The following SUGCT variants were observed in gnomAD, a reference collection of about 807,000 sequenced individuals.
SUGCT encodes the protein succinyl-CoA:glutarate-CoA transferase, also known as succinyl-CoA:glutarate CoA-transferase.
A neutral mutation model predicts 55.0 loss-of-function variants in SUGCT; 41 were observed. That is an observed-to-expected ratio of 0.74 (90% CI 0.58 to 0.97). The LOEUF is 0.97. Among genes scored for constraint, SUGCT ranks in the 50% least tolerant of loss-of-function variants. The pLI, the probability that SUGCT is intolerant of heterozygous loss-of-function variation, is 0.00. For missense variants in SUGCT, 568 were observed against 547.8 expected (o/e 1.04, Z -0.37); for synonymous variants, 187 against 200.4 (o/e 0.93, Z 0.56).
intron 8 of SUGCT, among the ~76,000 whole-genome samples, chr7:40,305,868 T>C (rs1306396056): frequency 2.0e-5 from 3 of 152,084 alleles, no homozygotes. Context: ...TCTTACTATA[T>C]TGCCCAGGCT....
chr7:40,245,857 A>G (rs1285295620), intron 7 of SUGCT, among the ~76,000 whole-genome samples: 1 of 151,016 alleles, frequency 6.6e-6, no homozygotes, highest in Non-Finnish European at 1.5e-5. Context: ...TCTTTGCATT[A>G]CAAACATTAC....
At chr7:40,203,029 C>T (rs1786702292) in intron 6 of SUGCT, among the ~76,000 whole-genome samples, 2 of 152,142 alleles carry the variant, frequency 1.3e-5, no homozygotes, top group Admixed American at 1.3e-4. Context: ...ATTCCAAATT[C>T]CCAGAATTCC....
chr7:40,882,600 C>G, the SUGCT span, among the ~76,000 whole-genome samples: 2 of 152,170 alleles, frequency 1.3e-5, no homozygotes, highest in Non-Finnish European at 2.9e-5. Flanking sequence ...AAGGCTCACA[C>G]TAATTGCATG....
intron 12 of SUGCT, among the ~76,000 whole-genome samples, chr7:40,710,061 G>A (rs1472799431): frequency 6.6e-6 from 1 of 152,092 alleles, no homozygotes; most frequent in African/African-American, 2.4e-5. Flanking sequence ...TTTTCTTGAG[G>A]AAAGGACAGG....
At chr7:40,747,103 A>G (rs1027238966) in intron 12 of SUGCT, among the ~76,000 whole-genome samples, 1 of 152,216 alleles carries the variant, frequency 6.6e-6, no homozygotes, top group African/African-American at 2.4e-5. Flanking sequence ...ATTAAATTAT[A>G]GCACAATTCT....
chr7:40,322,292 C>CT (rs1795798070), intron 9 of SUGCT, among the ~76,000 whole-genome samples: 6 of 152,156 alleles, frequency 3.9e-5, no homozygotes. Flanking sequence ...CTCTCTTCTC[C>CT]TTTTCAAGAG....
At chr7:40,412,227 T>C (rs1786738971) in intron 9 of SUGCT, among the ~76,000 whole-genome samples, 1 of 152,230 alleles carries the variant, frequency 6.6e-6, no homozygotes, top group South Asian at 2.1e-4. Context: ...GTCCAAGTCC[T>C]CACAGTGGTC....
the SUGCT span, among the ~76,000 whole-genome samples, chr7:41,009,525 A>G: frequency 6.7e-6 from 1 of 150,158 alleles, no homozygotes; most frequent in Non-Finnish European, 1.5e-5. Flanking sequence ...CCTTCCATCC[A>G]CCATCCATCC....
At chr7:40,896,329 A>G in the SUGCT span, among the ~76,000 whole-genome samples, 1 of 152,238 alleles carries the variant, frequency 6.6e-6, no homozygotes, top group East Asian at 1.9e-4. Context: ...CATTGATGAA[A>G]GAAATTGATG....
chr7:40,973,558 A>T, the SUGCT span, among the ~76,000 whole-genome samples: 9 of 152,182 alleles, frequency 5.9e-5, no homozygotes, highest in Admixed American at 4.6e-4. Context: ...CTGAACTATC[A>T]GAGAGCTAAT....
chr7:40,905,601 A>G, the SUGCT span, among the ~76,000 whole-genome samples: 385 of 152,220 alleles, frequency 2.5e-3, 1 homozygote, highest in African/African-American at 8.8e-3. Flanking sequence ...TCTCTCATTC[A>G]CTACTGTGTA....
At chr7:40,366,549 A>G (rs1783982178) in intron 9 of SUGCT, among the ~76,000 whole-genome samples, 1 of 152,204 alleles carries the variant, frequency 6.6e-6, no homozygotes, top group African/African-American at 2.4e-5. Context: ...ATCTACAATA[A>G]AATCAAACAA....
At chr7:40,341,455 G>A (rs564105434) in intron 9 of SUGCT, among the ~76,000 whole-genome samples, 2 of 152,286 alleles carry the variant, frequency 1.3e-5, no homozygotes, top group Non-Finnish European at 1.5e-5. Flanking sequence ...GCTGTTGAGG[G>A]AGATGTGTAA....
In SUGCT at chr7:40,612,184, A is replaced by G. The variant is rs150175707; in HGVS notation, c.1089+115798A>G. On this transcript the variant is annotated intron_variant, in intron 12 of 13. Coordinates refer to ENST00000335693, the MANE Select transcript of SUGCT (RefSeq NM_001193313.2). ...TATATCTGCGAGAACCTTTAGTCCT[A>G]CTATTATTTAGGTAATATTAGATAA... is the stretch of plus-strand genomic sequence containing the variant. Among the ~76,000 whole-genome samples the G allele has an allele frequency of 5.1e-4, 78 of 152,252 alleles. No homozygotes were observed. The East Asian group carries it at 5.8e-3, about 11-fold the overall frequency.
chr7:40,712,772 C>G (rs1205758355), intron 12 of SUGCT, among the ~76,000 whole-genome samples: 1 of 152,284 alleles, frequency 6.6e-6, no homozygotes, highest in East Asian at 1.9e-4. Context: ...ACATGCAGGC[C>G]TCACATCTCC....
rs1283934818 is a variant in SUGCT at position 40,330,687 on chromosome 7, GGGCAT to G, written c.816+13833_816+13837del. ...TGTGTATTTCCTCTTCTGGATGGGG[GGGCAT>G]TTATTTACTTTATATCACTAAATGC... On this transcript the variant is annotated intron_variant, in intron 9 of 13. Coordinates refer to ENST00000335693, the MANE Select transcript of SUGCT (RefSeq NM_001193313.2). 9.2e-5 allele frequency among the ~76,000 whole-genome samples: 7 copies of G among 76,298 alleles called. No individual in the cohort carries two copies. The Admixed American group carries it at 1.1e-3, about 12-fold the overall frequency. The allele number at this position is 76,298 out of a possible 152,430, so 50.1% of individuals were successfully genotyped here. A position where few individuals can be genotyped will look rare whatever the true frequency, so the allele number is the denominator to read the frequency against.
chr7:40,930,527 A>G, the SUGCT span, among the ~76,000 whole-genome samples: 1 of 152,172 alleles, frequency 6.6e-6, no homozygotes, highest in Admixed American at 6.5e-5. Flanking sequence ...GGCCATTTCC[A>G]TGATATTGAT....
At chr7:40,292,917 C>T (rs1219702076) in intron 8 of SUGCT, among the ~76,000 whole-genome samples, 1 of 152,018 alleles carries the variant, frequency 6.6e-6, no homozygotes, top group Non-Finnish European at 1.5e-5. Flanking sequence ...TAACTATCCC[C>T]AAGCTGTTGC....
intron 12 of SUGCT, among the ~76,000 whole-genome samples, chr7:40,695,479 T>C (rs1353867897): frequency 6.6e-6 from 1 of 152,128 alleles, no homozygotes; most frequent in Non-Finnish European, 1.5e-5. Flanking sequence ...ATTACAGACA[T>C]GAGTCTGCGC....
Sources: allele counts gnomAD v4.1 joint callset (sites outside exome capture counted in the v4.1 genomes callset), GRCh38; gene constraint gnomAD v4.1.1; transcripts MANE v1.5; gene names NCBI Gene and HGNC (gene_info 2026-07-23, HGNC 2026-07-21).